The following ZNF43 variants were observed in gnomAD, a reference collection of about 807,000 sequenced individuals.
ZNF43 encodes the protein zinc finger protein 43, also known as zinc finger protein 39-like 1 (KOX 27).
Under a neutral mutation model 68.4 loss-of-function variants are expected in ZNF43, and 44 were observed. The ratio of observed to expected loss-of-function variants is 0.64; its 90% CI spans 0.51 to 0.83. The LOEUF is 0.83. Ranked by LOEUF, ZNF43 falls within the 40% of genes least tolerant of loss-of-function variation. The pLI is 0.00. For missense variants in ZNF43, 896 were observed against 933.2 expected (o/e 0.96, Z 0.52); for synonymous variants, 308 against 307.8 (o/e 1.00, Z -0.01).
intron 1 of ZNF43, among the ~76,000 whole-genome samples, chr19:21,830,412 C>T (rs188146675): frequency 9.2e-5 from 14 of 151,516 alleles, no homozygotes; most frequent in South Asian, 6.2e-4. Flanking sequence ...CAAATAAACA[C>T]GATTAGAAAT....
chr19:21,808,895 C>A lies in ZNF43; in HGVS notation c.1142G>T (p.Arg381Leu). ...CTTATGTTTAGTAAGGTTTGAGGAC[C>A]GGCTAAAAGCTTCACCACATTCTGT... is the stretch of plus-strand genomic sequence containing the variant. ...KCTECGEAFS[R>L]SSNLTKHKKI... is the part of the protein sequence containing the mutation. The change falls in exon 4 of 4, where the codon CGG becomes CTG. Residue 381 changes from arginine (R) to leucine (L), a missense_variant. Arg to Leu is a moderately radical substitution (Grantham distance 102, BLOSUM62 -2). Coordinates refer to ENST00000354959, the MANE Select transcript of ZNF43 (RefSeq NM_003423.4). 6.2e-7 allele frequency: 1 copy of A among 1,611,496 alleles called. No homozygotes were observed. Among genetic ancestry groups the A allele is most frequent in the Non-Finnish European group, 8.5e-7 (1 of 1,179,388 alleles).
At chr19:21,835,696 G>A (rs191265746) in intron 1 of ZNF43, among the ~76,000 whole-genome samples, 1 of 152,256 alleles carries the variant, frequency 6.6e-6, no homozygotes. Context: ...GACTAGAAAT[G>A]CCACGGACCA....
At chr19:21,851,895 G>C in intron 1 of ZNF43, 1 of 1,575,422 alleles carries the variant, frequency 6.3e-7, no homozygotes, top group Middle Eastern at 1.7e-4. Context: ...GCCTAACCCC[G>C]CACACTCACC....
At position 21,836,157 on chromosome 19, in the gene ZNF43, G is replaced by C; in HGVS notation, c.-119C>G. The C allele has an allele frequency of 6.4e-7, 1 of 1,573,334 alleles. No homozygotes were observed. The highest frequency in any genetic ancestry group is 1.2e-5 in the South Asian group (1 of 85,776). On this transcript the variant is annotated 5_prime_UTR_variant, in exon 1 of 4. Coordinates refer to ENST00000354959, the MANE Select transcript of ZNF43 (RefSeq NM_003423.4). The stretch of plus-strand genomic sequence containing the variant: ...GGACACAGAAGAACGAAGACGAGAC[G>C]CAGAGCTCCAACTGCAGCCAGAGAC...
At position 21,806,711 on chromosome 19, in the gene ZNF43, ATCT is replaced by A. The variant is rs749182288; in HGVS notation, c.*893_*895del. On this transcript the variant is annotated 3_prime_UTR_variant, in exon 4 of 4. Transcript: ENST00000354959. ...ACTTTAATTGTAATTATAACTGAAAATCTTCTACTTCTTTTAATGTTATATACA... is the reference window on the plus strand; with the variant it reads ...ACTTTAATTGTAATTATAACTGAAAATCTACTTCTTTTAATGTTATATACA... The A allele has an allele frequency of 2.0e-5, 3 of 152,160 alleles. No homozygotes were observed. Among genetic ancestry groups the A allele is most frequent in the Non-Finnish European group, 2.9e-5 (2 of 68,010 alleles). 9.4% of individuals were successfully genotyped at this position (152,160 alleles called of 1,614,324 possible).
rs2036885970 is a variant in ZNF43 at position 21,805,291 on chromosome 19, C to T, written c.*2316G>A. 6.6e-6 allele frequency: 1 copy of T among 152,014 alleles called. No homozygotes were observed. The highest frequency in any genetic ancestry group is 1.5e-5 in the Non-Finnish European group (1 of 68,044). The allele number at this position is 152,014 out of a possible 1,614,324, so 9.4% of individuals were successfully genotyped here. A position where few individuals can be genotyped will look rare whatever the true frequency, so the allele number is the denominator to read the frequency against. On this transcript the variant is annotated 3_prime_UTR_variant, in exon 4 of 4. Transcript: ENST00000354959. ...CCATCCTGGCCAACATGGTGAAACT[C>T]CATCTCTACTAAAAATACAAAAATT... is the stretch of plus-strand genomic sequence containing the variant.
chr19:21,846,760 A>C (rs1018243365), intron 1 of ZNF43, among the ~76,000 whole-genome samples: 2 of 152,218 alleles, frequency 1.3e-5, no homozygotes, highest in African/African-American at 4.8e-5. Context: ...ACCAGGTAAG[A>C]CAAGAGAGTC....
At chr19:21,824,622 T>C (rs2038017823) in intron 1 of ZNF43, among the ~76,000 whole-genome samples, 1 of 151,920 alleles carries the variant, frequency 6.6e-6, no homozygotes, top group African/African-American at 2.4e-5. Flanking sequence ...ACAGATTCTA[T>C]GTTGGATCAA....
chr19:21,835,655 G>A (rs1220789478), intron 1 of ZNF43, among the ~76,000 whole-genome samples: 1 of 151,960 alleles, frequency 6.6e-6, no homozygotes, highest in African/African-American at 2.4e-5. Flanking sequence ...GCGCCCGGCC[G>A]ACTCTCCTGT....
At chr19:21,820,089 C>G (rs1282421395) in intron 1 of ZNF43, among the ~76,000 whole-genome samples, 1 of 151,580 alleles carries the variant, frequency 6.6e-6, no homozygotes, top group Non-Finnish European at 1.5e-5. Flanking sequence ...GTCCCAGTTA[C>G]TCAAGGGGCT....
intron 1 of ZNF43, among the ~76,000 whole-genome samples, chr19:21,822,129 G>T (rs558749863): frequency 1.2e-5 from 1 of 85,438 alleles, no homozygotes; most frequent in South Asian, 3.8e-4. Context: ...AGAATGAACT[G>T]CTCCACGGAG....
At chr19:21,810,672 G>A (rs561709439) in intron 3 of ZNF43, among the ~76,000 whole-genome samples, 1 of 152,072 alleles carries the variant, frequency 6.6e-6, no homozygotes, top group African/African-American at 2.4e-5. Flanking sequence ...ATACCAGCTG[G>A]GTGCAGTCGC....
chr19:21,846,019 C>T (rs578198519), intron 1 of ZNF43, among the ~76,000 whole-genome samples: 1 of 151,794 alleles, frequency 6.6e-6, no homozygotes, highest in East Asian at 1.9e-4. Flanking sequence ...AGTCACATTA[C>T]CTAAATGCTG....
intron 1 of ZNF43, among the ~76,000 whole-genome samples, chr19:21,823,457 C>G (rs1346815226): frequency 6.6e-6 from 1 of 151,128 alleles, no homozygotes; most frequent in Non-Finnish European, 1.5e-5. Context: ...CAGCATGACA[C>G]AATTCTGTTC....
At chr19:21,827,508 T>A (rs1356883679) in intron 1 of ZNF43, among the ~76,000 whole-genome samples, 3 of 151,524 alleles carry the variant, frequency 2.0e-5, no homozygotes, top group East Asian at 3.9e-4. Context: ...ATTACAGGCA[T>A]GCACCACCAT....
intron 1 of ZNF43, among the ~76,000 whole-genome samples, chr19:21,829,744 T>C (rs1456951616): frequency 6.6e-6 from 1 of 152,198 alleles, no homozygotes; most frequent in Non-Finnish European, 1.5e-5. Flanking sequence ...ATATTTTCTT[T>C]TACAACAGCC....
chr19:21,814,411 CT>C (rs200681700), intron 3 of ZNF43, among the ~76,000 whole-genome samples: 16,298 of 142,504 alleles, frequency 0.11, 909 homozygotes, highest in Middle Eastern at 0.18. Flanking sequence ...TGATTGATCT[CT>C]TTTTTTTTTT....
In ZNF43 at chr19:21,805,616, C is replaced by CA. The variant is rs549178950; in HGVS notation, c.*1990dup. ...CCTGGGCGAGAGCAAGACTCTGTCT[C>CA]AAAAAAAAAAACCAAACAAACAAAA... On this transcript the variant is annotated 3_prime_UTR_variant, in exon 4 of 4. Coordinates refer to ENST00000354959, the MANE Select transcript of ZNF43 (RefSeq NM_003423.4). The CA allele has an allele frequency of 0.022, 2,943 of 131,984 alleles. 75 individuals carry two copies. The highest frequency in any genetic ancestry group is 0.068 in the African/African-American group (2,456 of 36,180). 8.2% of individuals were successfully genotyped at this position (131,984 alleles called of 1,614,324 possible).
chr19:21,841,109 A>G (rs1330320234), upstream of ZNF43: 1 of 152,248 alleles, frequency 6.6e-6, no homozygotes, highest in African/African-American at 2.4e-5. Flanking sequence ...TGTACCGTCC[A>G]AAGACTTTAT....
Sources: allele counts gnomAD v4.1 joint callset (sites outside exome capture counted in the v4.1 genomes callset), GRCh38; gene constraint gnomAD v4.1.1; transcripts MANE v1.5; gene names NCBI Gene and HGNC (gene_info 2026-07-23, HGNC 2026-07-21).